The following ZMAT4 variants were observed in gnomAD, a reference collection of about 807,000 sequenced individuals.
ZMAT4 encodes zinc finger matrin-type protein 4.
Under a neutral mutation model 28.7 loss-of-function variants are expected in ZMAT4, and 17 were observed. The ratio of observed to expected loss-of-function variants is 0.59; its 90% confidence interval spans 0.41 to 0.89. The LOEUF (loss-of-function observed/expected upper bound fraction) is 0.89. Among genes scored for constraint, ZMAT4 ranks in the 40% least tolerant of loss-of-function variants. The pLI is 0.00. For synonymous variants in ZMAT4, 117 were observed against 109.2 expected, an observed-to-expected ratio of 1.07 and a Z score of -0.44; for missense variants, 240 against 283.8, an observed-to-expected ratio of 0.85 and a Z score of 1.11.
intron 3 of ZMAT4, among the ~76,000 whole-genome samples, chr8:40,744,478 TA>T (rs1487213756): frequency 2.6e-5 from 4 of 152,104 alleles, no homozygotes; most frequent in African/African-American, 4.8e-5. Flanking sequence ...CTTAAATAAA[TA>T]TTAAGAAATG....
chr8:40,694,525 C>G (rs974530910), intron 4 of ZMAT4, among the ~76,000 whole-genome samples: 1 of 152,186 alleles, frequency 6.6e-6, no homozygotes, highest in Non-Finnish European at 1.5e-5. Context: ...CACCGGCACA[C>G]TGCTGGTTCA....
At chr8:40,541,545 T>G (rs1214815777) in intron 6 of ZMAT4, among the ~76,000 whole-genome samples, 1 of 152,182 alleles carries the variant, frequency 6.6e-6, no homozygotes, top group Non-Finnish European at 1.5e-5. Context: ...CACTTTCAAG[T>G]ATTAGCAATC....
At chr8:40,755,543 C>T (rs1360961490) in intron 3 of ZMAT4, among the ~76,000 whole-genome samples, 1 of 152,148 alleles carries the variant, frequency 6.6e-6, no homozygotes. Context: ...ACCTCCGCCT[C>T]CCGGGTTCAA....
At chr8:40,831,392 A>T (rs1816275191) in intron 1 of ZMAT4, among the ~76,000 whole-genome samples, 1 of 152,064 alleles carries the variant, frequency 6.6e-6, no homozygotes, top group Admixed American at 6.5e-5. Context: ...TCCCAGGGGG[A>T]TGCAAAGGGA....
At chr8:40,704,822 C>A (rs1352528143) in intron 3 of ZMAT4, among the ~76,000 whole-genome samples, 1 of 152,182 alleles carries the variant, frequency 6.6e-6, no homozygotes, top group Non-Finnish European at 1.5e-5. Context: ...TAGGAAAAGG[C>A]CAATTGGCAT....
chr8:40,560,212 T>C (rs1585684484), intron 6 of ZMAT4, among the ~76,000 whole-genome samples: 3 of 150,750 alleles, frequency 2.0e-5, no homozygotes, highest in African/African-American at 7.3e-5. Flanking sequence ...TATATATATA[T>C]ATATAAAATT....
intron 4 of ZMAT4, among the ~76,000 whole-genome samples, chr8:40,680,344 G>A (rs1809101903): frequency 6.6e-6 from 1 of 152,058 alleles, no homozygotes; most frequent in African/African-American, 2.4e-5. Context: ...GGTTTTTGGG[G>A]CTAAAACAAG....
intron 4 of ZMAT4, among the ~76,000 whole-genome samples, chr8:40,678,779 C>T (rs1023800282): frequency 3.9e-5 from 6 of 152,114 alleles, no homozygotes; most frequent in African/African-American, 7.2e-5. Context: ...CAAAAACCCC[C>T]GAAACTCAAG....
At chr8:40,557,073 G>A (rs1416616074) in intron 6 of ZMAT4, among the ~76,000 whole-genome samples, 1 of 151,982 alleles carries the variant, frequency 6.6e-6, no homozygotes, top group African/African-American at 2.4e-5. Context: ...CCATACATGA[G>A]TGAGAACATG....
intron 5 of ZMAT4, among the ~76,000 whole-genome samples, chr8:40,605,418 ATC>A (rs1276068397): frequency 6.6e-6 from 1 of 152,138 alleles, no homozygotes; most frequent in African/African-American, 2.4e-5. Flanking sequence ...TTTAATTTTT[ATC>A]TTGATTTCAT....
intron 1 of ZMAT4, among the ~76,000 whole-genome samples, chr8:40,855,023 ATGCCAAATG>A (rs1427202479): frequency 6.6e-6 from 1 of 152,172 alleles, no homozygotes. Flanking sequence ...GATGAAGTTT[ATGCCAAATG>A]CATACTGTAC....
intron 3 of ZMAT4, among the ~76,000 whole-genome samples, chr8:40,752,507 G>C (rs1812494580): frequency 6.6e-6 from 1 of 152,126 alleles, no homozygotes; most frequent in Non-Finnish European, 1.5e-5. Context: ...TGGAGAAAGG[G>C]TTTTTCCTCA....
chr8:40,765,853 C>T (rs1813136939), intron 3 of ZMAT4, among the ~76,000 whole-genome samples: 1 of 152,120 alleles, frequency 6.6e-6, no homozygotes, highest in African/African-American at 2.4e-5. Flanking sequence ...CACTAAATGG[C>T]TATTATATGA....
At chr8:40,870,652 G>A (rs1586197566) in intron 1 of ZMAT4, among the ~76,000 whole-genome samples, 1 of 152,134 alleles carries the variant, frequency 6.6e-6, no homozygotes, top group East Asian at 1.9e-4. Context: ...ACTGAGAATG[G>A]ATTCATAGAG....
intron 2 of ZMAT4, among the ~76,000 whole-genome samples, chr8:40,773,947 T>C (rs1414505019): frequency 6.6e-6 from 1 of 151,874 alleles, no homozygotes; most frequent in Admixed American, 6.6e-5. Flanking sequence ...ACATGGAATA[T>C]AATAAAAAGT....
chr8:40,596,420 C>T (rs1805106060), intron 5 of ZMAT4, among the ~76,000 whole-genome samples: 1 of 152,198 alleles, frequency 6.6e-6, no homozygotes, highest in African/African-American at 2.4e-5. Flanking sequence ...CATTGCACAG[C>T]TGTACAAAAA....
At chr8:40,836,777 G>A (rs1383463653) in intron 1 of ZMAT4, among the ~76,000 whole-genome samples, 1 of 152,208 alleles carries the variant, frequency 6.6e-6, no homozygotes, top group Non-Finnish European at 1.5e-5. Context: ...GAGACAGAAG[G>A]GATGAGAGAG....
intron 6 of ZMAT4, among the ~76,000 whole-genome samples, chr8:40,538,038 T>C (rs908756511): frequency 2.0e-5 from 3 of 152,206 alleles, no homozygotes; most frequent in Non-Finnish European, 4.4e-5. Flanking sequence ...GCCAGGGCTC[T>C]TTTAAAATTT....
At chr8:40,797,927 C>A (rs1050813188) in intron 2 of ZMAT4, among the ~76,000 whole-genome samples, 2 of 152,154 alleles carry the variant, frequency 1.3e-5, no homozygotes, top group African/African-American at 4.8e-5. Context: ...GTGAGCCAGG[C>A]AATTAAGCCA....
Sources: gnomAD v4.1 joint callset for allele counts (sites outside exome capture counted in the v4.1 genomes callset) on GRCh38, gnomAD v4.1.1 for gene constraint, MANE v1.5 for transcripts, NCBI Gene and HGNC (gene_info 2026-07-23, HGNC 2026-07-21) for gene names.